Variants in RDX observed in about 807,000 individuals in gnomAD.
RDX encodes deafness, autosomal recessive 24.
In RDX, 32 loss-of-function variants were observed where a neutral mutation model predicts 83.7. The observed-to-expected ratio is 0.38, with a 90% CI of 0.29 to 0.51. The LOEUF is 0.51. Among genes scored for constraint, RDX ranks in the 20% least tolerant of loss-of-function variants. The pLI is 0.87. For synonymous variants in RDX, 229 were observed against 222.7 expected (o/e 1.03, Z -0.25); for missense variants, 600 against 689.9 (o/e 0.87, Z 1.46).
chr11:110,227,145 G>A (rs1177745911), downstream of RDX, among the ~76,000 whole-genome samples: 4 of 151,742 alleles, frequency 2.6e-5, no homozygotes, highest in African/African-American at 4.8e-5. Context: ...AACACGATTC[G>A]TAAGTCTAAA....
intron 15 of RDX, among the ~76,000 whole-genome samples, chr11:110,177,650 T>C: frequency 6.6e-6 from 1 of 151,938 alleles, no homozygotes; most frequent in Non-Finnish European, 1.5e-5. Context: ...TTTGTGTGTA[T>C]GTGTGTGTGT....
At chr11:110,183,805 C>A (rs1259918969) in intron 15 of RDX, among the ~76,000 whole-genome samples, 14 of 152,224 alleles carry the variant, frequency 9.2e-5, no homozygotes, top group Non-Finnish European at 2.9e-5. Context: ...TTTAGGCCAC[C>A]ATGATTGTTT....
At chr11:110,200,007 T>C (rs1388395163) in intron 14 of RDX, among the ~76,000 whole-genome samples, 1 of 152,226 alleles carries the variant, frequency 6.6e-6, no homozygotes, top group Non-Finnish European at 1.5e-5. Flanking sequence ...TTATTTAGAA[T>C]AGTAGGTCTT....
chr11:110,190,016 G>A (rs1398260708), intron 15 of RDX, among the ~76,000 whole-genome samples: 1 of 152,198 alleles, frequency 6.6e-6, no homozygotes, highest in African/African-American at 2.4e-5. Context: ...CCAGGAGGCA[G>A]AGGATGTGGT....
At chr11:110,252,422 A>G (rs1310698503) in intron 9 of RDX, among the ~76,000 whole-genome samples, 1 of 152,362 alleles carries the variant, frequency 6.6e-6, no homozygotes, top group East Asian at 1.9e-4. Flanking sequence ...GAGAATGTAA[A>G]TAATATATCA....
At chr11:110,191,040 G>A (rs774264112) in intron 15 of RDX, among the ~76,000 whole-genome samples, 4 of 152,148 alleles carry the variant, frequency 2.6e-5, no homozygotes, top group Non-Finnish European at 5.9e-5. Context: ...CAATTCTACT[G>A]AAACTATACC....
chr11:110,227,594 A>G (rs1430863392), downstream of RDX, among the ~76,000 whole-genome samples: 10 of 152,266 alleles, frequency 6.6e-5, no homozygotes, highest in South Asian at 1.9e-3. Context: ...TTTTAAAAGA[A>G]ATGATATTGT....
At chr11:110,182,335 CTCATGCCTGTAATCCCAG>C (rs1862904254) in intron 15 of RDX, among the ~76,000 whole-genome samples, 1 of 152,230 alleles carries the variant, frequency 6.6e-6, no homozygotes, top group African/African-American at 2.4e-5. Flanking sequence ...GGCATGGTGG[CTCATGCCTGTAATCCCAG>C]CACTTTGGGA....
At chr11:110,193,753 AACT>A (rs746457080) in intron 15 of RDX, among the ~76,000 whole-genome samples, 1 of 152,184 alleles carries the variant, frequency 6.6e-6, no homozygotes, top group Non-Finnish European at 1.5e-5. Flanking sequence ...TCCAAATTCC[AACT>A]ACTAATTAGT....
At chr11:110,190,304 G>A (rs945248928) in intron 15 of RDX, among the ~76,000 whole-genome samples, 5 of 152,144 alleles carry the variant, frequency 3.3e-5, no homozygotes, top group Non-Finnish European at 7.3e-5. Context: ...GACGGGCATT[G>A]TGGTGCATGC....
chr11:110,274,008 A>T lies in RDX; in HGVS notation c.13-1389T>A, dbSNP rs571891850. Among the ~76,000 whole-genome samples, 704 of 138,600 alleles carry T rather than the reference A, an allele frequency of 5.1e-3. 6 individuals are homozygous for T. Among genetic ancestry groups the T allele is most frequent in the African/African-American group, 0.017 (672 of 38,426 alleles). The allele number at this position is 138,600 out of a possible 152,430, so 90.9% of individuals were successfully genotyped here. A position where few individuals can be genotyped will look rare whatever the true frequency, so the allele number is the denominator to read the frequency against. ...TTTAACTCACACTATAAAAACTCTA[A>T]ATCAGACTTCTTATTTCCCCATATG... On this transcript the variant is annotated intron_variant, in intron 2 of 13. Coordinates refer to ENST00000645495, the MANE Select transcript of RDX (RefSeq NM_002906.4).
chr11:110,278,709 C>CT (rs1406861914), intron 2 of RDX, among the ~76,000 whole-genome samples: 1 of 151,748 alleles, frequency 6.6e-6, no homozygotes, highest in Non-Finnish European at 1.5e-5. Flanking sequence ...ATCTTTATGC[C>CT]TTTTTTTAAT....
Position 110,244,591 on chromosome 11 carries a change from T to C in RDX, c.1090+3112A>G, listed in dbSNP as rs1481817878. On this transcript the variant is annotated intron_variant, in intron 10 of 13. Transcript: ENST00000645495. ...GAGAAGAAATGGGAGTGACCGCTAA[T>C]GGGTATGGGATTTCTTTTTGGGATA... 2.0e-5 allele frequency among the ~76,000 whole-genome samples: 3 copies of C among 152,182 alleles called. No homozygotes were observed. The East Asian group carries it at 5.8e-4, about 29-fold the overall frequency.
chr11:110,266,240 G>A (rs1317131712), intron 3 of RDX, among the ~76,000 whole-genome samples: 2 of 152,086 alleles, frequency 1.3e-5, no homozygotes, highest in Non-Finnish European at 2.9e-5. Flanking sequence ...GGCAGAAGCA[G>A]GAGAATGGCG....
downstream of RDX, among the ~76,000 whole-genome samples, chr11:110,226,862 C>T (rs906226064): frequency 6.6e-6 from 1 of 152,040 alleles, no homozygotes; most frequent in Non-Finnish European, 1.5e-5. Flanking sequence ...AGTAATTTAT[C>T]AGAAAACAAG....
chr11:110,268,799 G>A (rs1357503968), intron 3 of RDX, among the ~76,000 whole-genome samples: 1 of 151,660 alleles, frequency 6.6e-6, no homozygotes, highest in Non-Finnish European at 1.5e-5. Flanking sequence ...ATATTTTAGT[G>A]AGGCTGTCCT....
intron 14 of RDX, among the ~76,000 whole-genome samples, chr11:110,214,742 CA>C (rs1372959584): frequency 2.4e-5 from 2 of 83,790 alleles, no homozygotes; most frequent in Non-Finnish European, 4.8e-5. Context: ...ATCGCAAGAA[CA>C]AAAAACCAAA....
intron 9 of RDX, among the ~76,000 whole-genome samples, chr11:110,248,099 G>C (rs1198997154): frequency 6.6e-6 from 1 of 152,072 alleles, no homozygotes; most frequent in African/African-American, 2.4e-5. Context: ...TTGGGAATGG[G>C]GTGAGGGACA....
intron 15 of RDX, among the ~76,000 whole-genome samples, chr11:110,176,906 G>A (rs1398401797): frequency 6.6e-6 from 1 of 152,150 alleles, no homozygotes; most frequent in Non-Finnish European, 1.5e-5. Flanking sequence ...AGTCCTCTCT[G>A]CTGACCTGAA....
Sources: allele counts gnomAD v4.1 joint callset (sites outside exome capture counted in the v4.1 genomes callset), GRCh38; gene constraint gnomAD v4.1.1; transcripts MANE v1.5; gene names NCBI Gene and HGNC (gene_info 2026-07-23, HGNC 2026-07-21).